Variants in WDR5 observed in about 807,000 individuals in gnomAD.
WDR5 encodes WD repeat-containing protein 5.
For missense variants in WDR5, 187 were observed against 416.9 expected (o/e 0.45, Z 4.80); for synonymous variants, 144 against 161.6 (o/e 0.89, Z 0.83).
chr9:134,150,468 G>A (rs1446337675), intron 8 of WDR5, among the ~76,000 whole-genome samples: 1 of 152,156 alleles, frequency 6.6e-6, no homozygotes, highest in African/African-American at 2.4e-5. Flanking sequence ...CACATGTGGC[G>A]ACATGCTGAA....
At chr9:134,148,239 C>G (rs1216120544) in intron 7 of WDR5, 49 bp from the exon 8 acceptor site, 1 of 1,175,366 alleles carries the variant, frequency 8.5e-7, no homozygotes, top group Admixed American at 1.9e-5. Flanking sequence ...AGTTGTGTCC[C>G]TGACTTGAAA....
intron 7 of WDR5, among the ~76,000 whole-genome samples, chr9:134,144,711 G>C (rs550285568): frequency 6.6e-6 from 1 of 152,024 alleles, no homozygotes; most frequent in Non-Finnish European, 1.5e-5. Context: ...GTAGTGATGC[G>C]CACGTGTGGT....
chr9:134,140,498 C>T (rs1422042836), intron 2 of WDR5, among the ~76,000 whole-genome samples: 2 of 151,922 alleles, frequency 1.3e-5, no homozygotes, highest in African/African-American at 2.4e-5. Context: ...AAGAGGAGGT[C>T]TTGTGGGGAA....
rs1442170321 is a variant in WDR5, at chr9:134,158,929, T to TG, written c.*941dup. 6.6e-6 allele frequency: 1 copy of TG among 152,166 alleles called. No individual in the cohort carries two copies. Among genetic ancestry groups the TG allele is most frequent in the Non-Finnish European group, 1.5e-5 (1 of 68,058 alleles). 9.4% of individuals were successfully genotyped at this position (152,166 alleles called of 1,614,324 possible). On this transcript the variant is annotated 3_prime_UTR_variant, in exon 14 of 14. Transcript: ENST00000358625. Reference sequence around the variant, plus strand: ...CTCCTGATGGACTTGCGTTGGGATGTGGGGGACACCTGTGGCATGGTAAGG... The same window carrying TG: ...CTCCTGATGGACTTGCGTTGGGATGTGGGGGGACACCTGTGGCATGGTAAGG...
intron 8 of WDR5, among the ~76,000 whole-genome samples, chr9:134,151,339 C>T (rs1237622058): frequency 1.3e-5 from 2 of 152,118 alleles, no homozygotes; most frequent in African/African-American, 2.4e-5. Context: ...CCGTGCATGG[C>T]GGCCATGGGG....
chr9:134,156,790 C>T (rs370550666), intron 13 of WDR5, among the ~76,000 whole-genome samples, 197 bp downstream of exon 13: 3 of 152,214 alleles, frequency 2.0e-5, no homozygotes, highest in Non-Finnish European at 2.9e-5. Flanking sequence ...GACTCAGACC[C>T]GGGCTCCTGG....
intron 7 of WDR5, 38 bp from the exon 8 acceptor site, chr9:134,148,250 G>T: frequency 8.4e-7 from 1 of 1,194,532 alleles, no homozygotes; most frequent in Non-Finnish European, 1.2e-6. Flanking sequence ...TGACTTGAAA[G>T]TAAGTTTTTG....
At chr9:134,147,868 A>G (rs1832284213) in intron 7 of WDR5, among the ~76,000 whole-genome samples, 1 of 151,980 alleles carries the variant, frequency 6.6e-6, no homozygotes, top group Non-Finnish European at 1.5e-5. Context: ...ATGAAGAAAA[A>G]AAAAAGGGTG....
intron 1 of WDR5, among the ~76,000 whole-genome samples, chr9:134,138,615 C>T (rs570825084): frequency 1.3e-5 from 2 of 152,322 alleles, no homozygotes; most frequent in African/African-American, 4.8e-5. Context: ...CTAGATGCAG[C>T]GTGATCCATC....
rs1316019740 is a variant in WDR5 at position 134,145,096 on chromosome 9, G to GTTTTTTGTTTTTTTTTTTTTTTTTT, written c.528+2383_528+2384insGTTTTTTTTTTTTTTTTTTTTTTTT. On this transcript the variant is annotated intron_variant, in intron 7 of 13. Transcript: ENST00000358625. ...ACTGCAGAGAGGTTTGTGGGGCTTT[G>GTTTTTTGTTTTTTTTTTTTTTTTTT]TTTTTTTTTTTTTTTTTTTTGAAAC... is the stretch of plus-strand genomic sequence containing the variant. 8.6e-5 allele frequency among the ~76,000 whole-genome samples: 9 copies of GTTTTTTGTTTTTTTTTTTTTTTTTT among 104,720 alleles called. 1 individual carries two copies. The highest frequency in any genetic ancestry group is 3.3e-4 in the East Asian group (1 of 3,034). 68.7% of individuals were successfully genotyped at this position (104,720 alleles called of 152,430 possible).
chr9:134,144,618 T>A (rs1832074051), intron 7 of WDR5, among the ~76,000 whole-genome samples: 1 of 151,834 alleles, frequency 6.6e-6, no homozygotes, highest in Admixed American at 6.6e-5. Context: ...GGCAGGAGGA[T>A]CCCATGAGAC....
At chr9:134,153,075 C>T (rs1194729287) in intron 9 of WDR5, among the ~76,000 whole-genome samples, 3 of 152,230 alleles carry the variant, frequency 2.0e-5, no homozygotes, top group Admixed American at 6.5e-5. Flanking sequence ...TTATAGCTTC[C>T]TGCCTTGTGG....
intron 7 of WDR5, among the ~76,000 whole-genome samples, chr9:134,143,507 TG>T (rs1312996617): frequency 7.0e-6 from 1 of 143,378 alleles, no homozygotes; most frequent in African/African-American, 2.5e-5. Context: ...CACCACTGCC[TG>T]GGTGACGAGA....
intron 7 of WDR5, among the ~76,000 whole-genome samples, chr9:134,143,828 T>A (rs28603051): frequency 0.53 from 78,025 of 146,642 alleles, 20,527 homozygotes; most frequent in African/African-American, 0.59. Flanking sequence ...ACTCTGTCTT[T>A]AAAAAAAAAA....
In WDR5 at chr9:134,159,902, T is replaced by C. The variant is rs1232968400; in HGVS notation, c.*1909T>C. The C allele has an allele frequency of 2.6e-5, 4 of 152,250 alleles. No individual in the cohort carries two copies. The highest frequency in any genetic ancestry group is 6.5e-5 in the Admixed American group (1 of 15,292). The allele number at this position is 152,250 out of a possible 1,614,324, so 9.4% of individuals were successfully genotyped here. A position where few individuals can be genotyped will look rare whatever the true frequency, so the allele number is the denominator to read the frequency against. ...GAATATAGTTTATTTTTTCTACATT[T>C]GAATTCTGTTGTAGATTTATGTAAA... On this transcript the variant is annotated 3_prime_UTR_variant, in exon 14 of 14. Coordinates refer to ENST00000358625, the MANE Select transcript of WDR5 (RefSeq NM_017588.3). The surrounding 1 kb of genome is among the most constrained non-coding windows in gnomAD (Gnocchi z 4.3).
intron 7 of WDR5, 71 bp from the exon 8 acceptor site, chr9:134,148,210 TTGAGATC>T: frequency 2.8e-6 from 1 of 361,256 alleles, no homozygotes; most frequent in Non-Finnish European, 4.8e-6. Context: ...TTTTTTTTTT[TTGAGATC>T]AGGTAAGAAG....
At chr9:134,139,555 T>C (rs1047950833) in intron 1 of WDR5, among the ~76,000 whole-genome samples, 2 of 152,180 alleles carry the variant, frequency 1.3e-5, no homozygotes, top group African/African-American at 4.8e-5. Flanking sequence ...TACAGACTTC[T>C]GGATAACAAA....
chr9:134,145,950 T>C (rs1219372759), intron 7 of WDR5, among the ~76,000 whole-genome samples: 1 of 130,588 alleles, frequency 7.7e-6, no homozygotes, highest in Non-Finnish European at 1.6e-5. Context: ...TTTTTTTTTT[T>C]TGTTTTTTAA....
chr9:134,149,760 G>A (rs1832401806), intron 8 of WDR5, among the ~76,000 whole-genome samples: 1 of 152,226 alleles, frequency 6.6e-6, no homozygotes, highest in African/African-American at 2.4e-5. Flanking sequence ...AGCCTTTTAA[G>A]TCCCATAATG....
Sources: gnomAD v4.1 joint callset for allele counts (sites outside exome capture counted in the v4.1 genomes callset) on GRCh38, gnomAD v4.1.1 for gene constraint, Gnocchi (gnomAD v3.1) non-coding constraint, MANE v1.5 for transcripts, NCBI Gene and HGNC (gene_info 2026-07-23, HGNC 2026-07-21) for gene names.